Variants in FRMD4A observed in about 807,000 individuals in gnomAD.
The protein encoded by FRMD4A is FERM domain containing 4A.
FRMD4A carries 29 observed loss-of-function variants against 129.1 expected under a neutral mutation model. The ratio of observed to expected loss-of-function variants is 0.22; its 90% CI spans 0.17 to 0.31. The LOEUF is 0.31. FRMD4A is among the 10% of genes least tolerant of loss of function. The probability of loss-of-function intolerance (pLI) is 1.00; values close to 1 mark genes in which losing one functional copy is unlikely to be tolerated. For missense variants in FRMD4A, 1,272 were observed against 1,375.8 expected (o/e 0.92, Z 1.19); for synonymous variants, 634 against 571.6 (o/e 1.11, Z -1.56).
intron 2 of FRMD4A, among the ~76,000 whole-genome samples, chr10:14,191,012 T>C (rs1401617508): frequency 1.5e-4 from 23 of 152,226 alleles, no homozygotes; most frequent in Admixed American, 1.5e-3. Flanking sequence ...TCAGCCATAT[T>C]GGTTCCAACC....
rs11817997 is a variant in FRMD4A at position 13,714,987 on chromosome 10, G to A, written c.760-7874C>T. Among the ~76,000 whole-genome samples, 1,204 of 152,004 alleles carry A rather than the reference G, an allele frequency of 7.9e-3. 18 individuals are homozygous for A. The highest frequency in any genetic ancestry group is 0.028 in the African/African-American group (1,149 of 41,426). On this transcript the variant is annotated intron_variant, in intron 12 of 24. Transcript: ENST00000357447. Reference sequence around the variant, plus strand: ...CCAGGAGGCAGAGGTTGCAGTGAGCGGAGATCATGCCACTGCACTCCAGCC... The same window carrying A: ...CCAGGAGGCAGAGGTTGCAGTGAGCAGAGATCATGCCACTGCACTCCAGCC...
intron 21 of FRMD4A, among the ~76,000 whole-genome samples, chr10:13,658,595 G>C (rs1248765272): frequency 6.6e-6 from 1 of 152,192 alleles, no homozygotes; most frequent in African/African-American, 2.4e-5. Flanking sequence ...GAAAAAGAAG[G>C]TGTGGCTAGG....
At chr10:13,811,323 G>C (rs1408032169) in intron 3 of FRMD4A, among the ~76,000 whole-genome samples, 1 of 150,748 alleles carries the variant, frequency 6.6e-6, no homozygotes, top group African/African-American at 2.4e-5. Context: ...AGGAAAGATG[G>C]GGTTTCACCA....
At chr10:14,058,600 G>A (rs1314480659) in intron 2 of FRMD4A, among the ~76,000 whole-genome samples, 1 of 152,188 alleles carries the variant, frequency 6.6e-6, no homozygotes, top group East Asian at 1.9e-4. Flanking sequence ...TGTTGACTGG[G>A]AACCTGATCT....
chr10:14,138,045 C>T (rs1839637455), intron 2 of FRMD4A, among the ~76,000 whole-genome samples: 1 of 152,226 alleles, frequency 6.6e-6, no homozygotes, highest in Non-Finnish European at 1.5e-5. Flanking sequence ...CTTGGCATCC[C>T]ATTAGGTAAG....
In FRMD4A at chr10:14,174,875, G is replaced by T. The variant is rs937289413; in HGVS notation, c.45+155183C>A. On this transcript the variant is annotated intron_variant, in intron 2 of 24. Transcript: ENST00000357447. ...GAGTATTAAAAAAAAAAGTGTGTGT[G>T]TGTCTGTGTGTGTGTGTGTGTGTGT... Among the ~76,000 whole-genome samples the T allele has an allele frequency of 9.5e-4, 32 of 33,840 alleles. 1 individual carries two copies. The highest frequency in any genetic ancestry group is 1.8e-3 in the African/African-American group (31 of 17,714). The allele number at this position is 33,840 out of a possible 152,430, so 22.2% of individuals were successfully genotyped here.
At chr10:14,153,107 G>T (rs1840424586) in intron 2 of FRMD4A, among the ~76,000 whole-genome samples, 1 of 152,190 alleles carries the variant, frequency 6.6e-6, no homozygotes, top group Non-Finnish European at 1.5e-5. Context: ...TGTCAGCAGG[G>T]ACAACAATGT....
At chr10:13,729,448 C>G (rs2090172559) in intron 12 of FRMD4A, 1 of 152,142 alleles carries the variant, frequency 6.6e-6, no homozygotes, top group Non-Finnish European at 1.5e-5. Context: ...GAACGTACAC[C>G]GCACCGCATA....
chr10:14,326,974 T>A, intron 2 of FRMD4A: 1 of 398,670 alleles, frequency 2.5e-6, no homozygotes, highest in Non-Finnish European at 4.4e-6. Context: ...GTCATATGAG[T>A]GGCTCTGTCC....
chr10:14,110,125 T>TAA (rs1554761010), intron 2 of FRMD4A, among the ~76,000 whole-genome samples: 19 of 89,532 alleles, frequency 2.1e-4, no homozygotes, highest in African/African-American at 5.6e-4. Context: ...CGAGATGCTG[T>TAA]AAAAAAAAAA....
At chr10:13,738,014 A>T in intron 11 of FRMD4A, 84 bp from the exon 12 acceptor site, 1 of 783,300 alleles carries the variant, frequency 1.3e-6, no homozygotes, top group Non-Finnish European at 2.2e-6. Context: ...GCTCAGGGGC[A>T]GACGAGGGAA....
intron 2 of FRMD4A, among the ~76,000 whole-genome samples, chr10:14,254,447 C>G (rs1844541295): frequency 6.6e-6 from 1 of 152,166 alleles, no homozygotes; most frequent in Admixed American, 6.5e-5. Context: ...TGACAACTCT[C>G]TCCAAGGAAA....
intron 22 of FRMD4A, 92 bp from the exon 23 acceptor site, chr10:13,654,604 T>C: frequency 1.3e-6 from 1 of 753,820 alleles, no homozygotes; most frequent in Non-Finnish European, 2.3e-6. Context: ...ACCAACCCAG[T>C]GGCCAGAGGT....
At chr10:13,721,454 C>T (rs961106696) in intron 12 of FRMD4A, among the ~76,000 whole-genome samples, 2 of 151,798 alleles carry the variant, frequency 1.3e-5, no homozygotes, top group Admixed American at 1.3e-4. Context: ...TGCACTCCAG[C>T]ATGGATGATA....
intron 2 of FRMD4A, among the ~76,000 whole-genome samples, chr10:13,918,689 T>A (rs1189939563): frequency 6.6e-6 from 1 of 151,998 alleles, no homozygotes; most frequent in Non-Finnish European, 1.5e-5. Context: ...CCACCACACC[T>A]GGCTAATTTT....
chr10:13,741,661 C>G (rs947812991), intron 9 of FRMD4A, among the ~76,000 whole-genome samples: 1 of 152,142 alleles, frequency 6.6e-6, no homozygotes, highest in South Asian at 2.1e-4. Context: ...TGACCTTAAC[C>G]AAGTGCCCAC....
Position 14,027,145 on chromosome 10 carries a change from G to A in FRMD4A, c.46-168233C>T, listed in dbSNP as rs556521295. Reference sequence around the variant, plus strand: ...CTTATGAATTAAATTTGGACAAAATGTTTTTAATAGCTGGAATTTCATAAG... The same window carrying A: ...CTTATGAATTAAATTTGGACAAAATATTTTTAATAGCTGGAATTTCATAAG... On this transcript the variant is annotated intron_variant, in intron 2 of 24. Transcript: ENST00000357447. 5.3e-5 allele frequency among the ~76,000 whole-genome samples: 8 copies of A among 152,254 alleles called. No individual in the cohort carries two copies. In the South Asian group the frequency reaches 1.5e-3, roughly 28 times the overall value.
chr10:14,151,433 G>A (rs7911069), intron 2 of FRMD4A, among the ~76,000 whole-genome samples: 15,874 of 152,158 alleles, frequency 0.1, 2,730 homozygotes, highest in African/African-American at 0.36. Flanking sequence ...TCACTTTTAA[G>A]TGGGAGCTAA....
chr10:14,330,885 T>G lies in FRMD4A; in HGVS notation c.-370A>C, dbSNP rs1589325090. ...TGCACTGCCTGTTCTGTGAGCGTTC[T>G]GATCTCCCTGGCTGTACCACATGTA... On this transcript the variant is annotated 5_prime_UTR_variant, in exon 1 of 25. Transcript: ENST00000357447. 2 of 398,736 alleles carry G rather than the reference T, an allele frequency of 5.0e-6. No homozygotes were observed. The highest frequency in any genetic ancestry group is 7.1e-5 in the East Asian group (2 of 28,074). 24.7% of individuals were successfully genotyped at this position (398,736 alleles called of 1,614,324 possible). A position where few individuals can be genotyped will look rare whatever the true frequency, so the allele number is the denominator to read the frequency against.
Sources: allele counts gnomAD v4.1 joint callset (sites outside exome capture counted in the v4.1 genomes callset), GRCh38; gene constraint gnomAD v4.1.1; transcripts MANE v1.5; gene names NCBI Gene and HGNC (gene_info 2026-07-23, HGNC 2026-07-21).